The following NXPH2 variants were observed in gnomAD, a reference collection of about 807,000 sequenced individuals.
NXPH2 encodes neurexophilin-2.
NXPH2 carries 5 observed loss-of-function variants against 19.8 expected under a neutral mutation model. The ratio of observed to expected loss-of-function variants is 0.25; its 90% CI spans 0.13 to 0.53. The LOEUF is 0.53. Ranked by LOEUF, NXPH2 falls within the 20% of genes least tolerant of loss-of-function variation. The probability of loss-of-function intolerance (pLI) is 0.96; values close to 1 mark genes in which losing one functional copy is unlikely to be tolerated. For synonymous variants in NXPH2, 154 were observed against 127.4 expected (o/e 1.21, Z -1.41); for missense variants, 289 against 322.8 (o/e 0.90, Z 0.80).
intron 1 of NXPH2, among the ~76,000 whole-genome samples, chr2:138,676,553 G>A (rs1164923454): frequency 1.3e-5 from 2 of 152,066 alleles, no homozygotes; most frequent in Non-Finnish European, 2.9e-5. Flanking sequence ...AGGATTTATT[G>A]CCTAATGCCA....
intron 1 of NXPH2, among the ~76,000 whole-genome samples, chr2:138,767,214 GTCAGTGGAACCCT>G (rs1310846687): frequency 2.0e-5 from 3 of 152,148 alleles, no homozygotes; most frequent in Non-Finnish European, 2.9e-5. Context: ...CTGATATAAC[GTCAGTGGAACCCT>G]TCAGTGGAAC....
chr2:138,720,130 TA>T (rs557957661), intron 1 of NXPH2, among the ~76,000 whole-genome samples: 7,131 of 139,400 alleles, frequency 0.051, 210 homozygotes, highest in Non-Finnish European at 0.069. Flanking sequence ...GTTTTAAGGT[TA>T]AAAAAAAAAA....
At chr2:138,759,707 C>T (rs1042726081) in intron 1 of NXPH2, among the ~76,000 whole-genome samples, 1 of 151,000 alleles carries the variant, frequency 6.6e-6, no homozygotes, top group African/African-American at 2.4e-5. Context: ...GTGACAACCA[C>T]TGCCACAGGC....
intron 1 of NXPH2, among the ~76,000 whole-genome samples, chr2:138,757,837 CTA>C (rs1681939365): frequency 7.4e-6 from 1 of 135,892 alleles, no homozygotes; most frequent in Admixed American, 7.2e-5. Context: ...ATCTATCTAT[CTA>C]TCTATCTATC....
At chr2:138,700,223 G>A (rs1328412492) in intron 1 of NXPH2, among the ~76,000 whole-genome samples, 3 of 152,068 alleles carry the variant, frequency 2.0e-5, no homozygotes, top group Non-Finnish European at 2.9e-5. Flanking sequence ...TTTTAATCCA[G>A]CATTCAAACC....
chr2:138,761,629 C>T (rs1241039269), intron 1 of NXPH2, among the ~76,000 whole-genome samples: 1 of 152,126 alleles, frequency 6.6e-6, no homozygotes. Flanking sequence ...AAGAAAGGAG[C>T]CACTTGAAGC....
At chr2:138,691,252 T>C (rs531335162) in intron 1 of NXPH2, among the ~76,000 whole-genome samples, 4 of 152,154 alleles carry the variant, frequency 2.6e-5, no homozygotes, top group Non-Finnish European at 5.9e-5. Context: ...ATTCTTCAAC[T>C]TACAAAATTG....
chr2:138,704,003 T>C (rs952437425), intron 1 of NXPH2, among the ~76,000 whole-genome samples: 5 of 152,204 alleles, frequency 3.3e-5, no homozygotes, highest in Admixed American at 1.3e-4. Context: ...CTAAATTACA[T>C]TGTAATGATT....
intron 1 of NXPH2, among the ~76,000 whole-genome samples, chr2:138,774,645 A>T (rs1047193462): frequency 3.3e-5 from 5 of 152,202 alleles, no homozygotes; most frequent in African/African-American, 9.7e-5. Flanking sequence ...ACTGCCCAAG[A>T]CACATACACA....
chr2:138,765,932 A>T (rs1176363232), intron 1 of NXPH2, among the ~76,000 whole-genome samples: 1 of 152,180 alleles, frequency 6.6e-6, no homozygotes, highest in African/African-American at 2.4e-5. Context: ...TCATTACTTC[A>T]TTTTAAAATA....
At chr2:138,715,357 A>C (rs1244244912) in intron 1 of NXPH2, among the ~76,000 whole-genome samples, 1 of 152,208 alleles carries the variant, frequency 6.6e-6, no homozygotes, top group Non-Finnish European at 1.5e-5. Flanking sequence ...TGCGACTTAT[A>C]ATTATTTGCA....
At chr2:138,687,153 G>A (rs1296910249) in intron 1 of NXPH2, among the ~76,000 whole-genome samples, 1 of 152,172 alleles carries the variant, frequency 6.6e-6, no homozygotes, top group Non-Finnish European at 1.5e-5. Flanking sequence ...GGTTGAACTA[G>A]TTTACAGTCC....
At chr2:138,709,587 G>T (rs1046470392) in intron 1 of NXPH2, among the ~76,000 whole-genome samples, 6 of 152,084 alleles carry the variant, frequency 3.9e-5, no homozygotes, top group South Asian at 2.1e-4. Context: ...AATCCTATGG[G>T]TTTTGACAAA....
chr2:138,759,710 C>A (rs1031384773), intron 1 of NXPH2, among the ~76,000 whole-genome samples: 2 of 151,286 alleles, frequency 1.3e-5, no homozygotes, highest in Non-Finnish European at 2.9e-5. Flanking sequence ...ACAACCACTG[C>A]CACAGGCTCC....
intron 1 of NXPH2, among the ~76,000 whole-genome samples, chr2:138,711,193 T>A (rs946854772): frequency 1.6e-5 from 2 of 121,596 alleles, no homozygotes; most frequent in African/African-American, 6.2e-5. Flanking sequence ...TGGGCTGGAG[T>A]GCAATGGCGC....
At chr2:138,767,894 A>C (rs1682116013) in intron 1 of NXPH2, among the ~76,000 whole-genome samples, 1 of 151,630 alleles carries the variant, frequency 6.6e-6, no homozygotes, top group Non-Finnish European at 1.5e-5. Context: ...CACTTCTCTC[A>C]TATTTTCCAT....
rs762483744 is a variant in NXPH2 at position 138,671,114 on chromosome 2, G to A, written c.603C>T (p.Ala201=). The change falls in exon 2 of 2, where the codon GCC becomes GCT. Residue 201 remains alanine (A), a synonymous_variant. Coordinates refer to ENST00000272641, the MANE Select transcript of NXPH2 (RefSeq NM_007226.3). The part of the protein sequence containing the change: ...YEKTDRAKKT[A]LCNFDPSKIC... ...TCTTGGATGGGTCAAAGTTGCACAG[G>A]GCGGTCTTTTTCGCCCGATCTGTTT... 2 of 1,613,898 alleles carry A rather than the reference G, an allele frequency of 1.2e-6. No individual in the cohort carries two copies. Among genetic ancestry groups the A allele is most frequent in the Non-Finnish European group, 1.7e-6 (2 of 1,179,862 alleles).
chr2:138,722,958 G>T (rs1681302877), intron 1 of NXPH2, among the ~76,000 whole-genome samples: 1 of 152,190 alleles, frequency 6.6e-6, no homozygotes, highest in South Asian at 2.1e-4. Context: ...TTCAGCCATT[G>T]CTTATTGCCT....
chr2:138,727,671 C>CGG (rs376782777), intron 1 of NXPH2, among the ~76,000 whole-genome samples: 2 of 91,744 alleles, frequency 2.2e-5, no homozygotes, highest in African/African-American at 9.1e-5. Context: ...GGCGGTGAGG[C>CGG]GGGGGGGGTT....
Sources: gnomAD v4.1 joint callset for allele counts (sites outside exome capture counted in the v4.1 genomes callset) on GRCh38, gnomAD v4.1.1 for gene constraint, MANE v1.5 for transcripts, NCBI Gene and HGNC (gene_info 2026-07-23, HGNC 2026-07-21) for gene names.